Variants in POLR2F observed in about 807,000 individuals in gnomAD.
POLR2F encodes the protein RNA polymerase II, I and III subunit F, also known as DNA-directed RNA polymerases I, II, and III subunit RPABC2.
A neutral mutation model predicts 22.7 loss-of-function variants in POLR2F; 12 were observed. That is an observed-to-expected ratio of 0.53 (90% CI 0.34 to 0.86). The LOEUF is 0.86. Ranked by LOEUF, POLR2F falls within the 40% of genes least tolerant of loss-of-function variation. The pLI, the probability that POLR2F is intolerant of heterozygous loss-of-function variation, is 0.02. For missense variants in POLR2F, 126 were observed against 171.5 expected (o/e 0.73, Z 1.48); for synonymous variants, 57 against 66.0 (o/e 0.86, Z 0.66).
At chr22:38,038,891 C>A (rs1166124006) in intron 5 of POLR2F, among the ~76,000 whole-genome samples, 3 of 151,910 alleles carry the variant, frequency 2.0e-5, no homozygotes, top group African/African-American at 7.3e-5. Context: ...TTGCGAGCGG[C>A]CCTCAGGGCG....
chr22:37,994,512 A>ATTAT lies in POLR2F; in HGVS notation c.120+8219_120+8222dup, dbSNP rs773283034. Among the ~76,000 whole-genome samples the ATTAT allele has an allele frequency of 3.7e-3, 568 of 151,630 alleles. 3 individuals carry two copies. The highest frequency in any genetic ancestry group is 0.012 in the African/African-American group (492 of 41,350). On this transcript the variant is annotated intron_variant, in intron 1 of 2. Coordinates refer to the POLR2F transcript ENST00000333418. ...CAGGCACCAGCCACCACGCCTGGCT[A>ATTAT]TTATTTATTTATTTATTTATTTTTG...
chr22:38,033,041 T>A (rs1034690793), intron 5 of POLR2F: 1 of 167,000 alleles, frequency 6.0e-6, no homozygotes, highest in African/African-American at 2.4e-5. Flanking sequence ...CAACACCTCC[T>A]TGTAAACATC....
At chr22:38,028,495 T>C (rs1173146569), downstream of POLR2F, among the ~76,000 whole-genome samples, 1 of 151,876 alleles carries the variant, frequency 6.6e-6, no homozygotes, top group Non-Finnish European at 1.5e-5. Flanking sequence ...TGTGCGTGTG[T>C]GTGTGTGCGT....
chr22:37,974,215 CA>C (rs774476807), downstream of POLR2F: 1 of 1,582,542 alleles, frequency 6.3e-7, no homozygotes, highest in South Asian at 1.1e-5. The surrounding 1 kb of genome is among the most constrained non-coding windows in gnomAD (Gnocchi z 5.4). Flanking sequence ...AGAAGGGAGA[CA>C]GAGAGAGAGA....
Position 38,016,652 on chromosome 22 carries a change from G to A in POLR2F, c.121-9217G>A, listed in dbSNP as rs1181369399. On this transcript the variant is annotated intron_variant, in intron 1 of 2. Transcript: ENST00000333418. The surrounding 1 kb of genome is among the most constrained non-coding windows in gnomAD (Gnocchi z 4.4). The stretch of plus-strand genomic sequence containing the variant: ...CTCTATTGTGTTCCTGGTTTATCTG[G>A]TTCCTCTTGTTTATGAGCAGGGCTC... 6.6e-6 allele frequency among the ~76,000 whole-genome samples: 1 copy of A among 150,386 alleles called. No homozygotes were observed. The highest frequency in any genetic ancestry group is 1.5e-5 in the Non-Finnish European group (1 of 67,758).
chr22:37,963,452 G>A (rs1336060155), intron 3 of POLR2F, among the ~76,000 whole-genome samples: 1 of 152,098 alleles, frequency 6.6e-6, no homozygotes, highest in Non-Finnish European at 1.5e-5. Flanking sequence ...ACCACACGTG[G>A]CTAATGTCTT....
downstream of POLR2F, among the ~76,000 whole-genome samples, chr22:38,027,689 C>T (rs2085027153): frequency 6.6e-6 from 1 of 152,170 alleles, no homozygotes; most frequent in Non-Finnish European, 1.5e-5. Context: ...TGCACACACA[C>T]ATTCCCCCGC....
Position 37,968,994 on chromosome 22 carries a change from T to C in POLR2F, c.*1279T>C. ...GGGTGCTGAAATTTCAGCTCTGAAATGCCGCCTTTGTGCTGGCATCCAGGC... is the reference window on the plus strand; with the variant it reads ...GGGTGCTGAAATTTCAGCTCTGAAACGCCGCCTTTGTGCTGGCATCCAGGC... On this transcript the variant is annotated 3_prime_UTR_variant, in exon 5 of 5. Coordinates refer to ENST00000442738, the MANE Select transcript of POLR2F (RefSeq NM_021974.5). 4.1e-6 allele frequency: 4 copies of C among 985,510 alleles called. No homozygotes were observed. Among genetic ancestry groups the C allele is most frequent in the Non-Finnish European group, 4.8e-6 (4 of 829,968 alleles). 61.0% of individuals were successfully genotyped at this position (985,510 alleles called of 1,614,324 possible). A position where few individuals can be genotyped will look rare whatever the true frequency, so the allele number is the denominator to read the frequency against.
At chr22:37,967,579 T>A in intron 4 of POLR2F, 46 bp from the exon 5 acceptor site, 1 of 1,607,744 alleles carries the variant, frequency 6.2e-7, no homozygotes, top group Non-Finnish European at 8.5e-7. Context: ...GCGGCAGAGC[T>A]GGGGTCACCA....
chr22:37,983,827 C>T (rs985352686), upstream of POLR2F: 6 of 1,363,030 alleles, frequency 4.4e-6, no homozygotes, highest in African/African-American at 3.1e-5. This position sits in a 1 kb window ranked among gnomAD's most constrained non-coding sequence, Gnocchi z 9.5. Context: ...CCGCCTCCCC[C>T]GGGCCAGCCG....
At chr22:37,989,025 G>A (rs777819975) in intron 1 of POLR2F, among the ~76,000 whole-genome samples, 2 of 152,152 alleles carry the variant, frequency 1.3e-5, no homozygotes, top group African/African-American at 4.8e-5. Flanking sequence ...GTCTGAGTGC[G>A]CTGGGGTGGC....
intron 5 of POLR2F, among the ~76,000 whole-genome samples, chr22:38,039,589 C>T (rs1466171738): frequency 6.6e-6 from 1 of 152,198 alleles, no homozygotes; most frequent in East Asian, 1.9e-4. Context: ...GGCCCAGGAG[C>T]CAGAGCCCTG....
intron 1 of POLR2F, among the ~76,000 whole-genome samples, chr22:38,006,413 G>T (rs1337369143): frequency 1.3e-5 from 2 of 152,158 alleles, no homozygotes; most frequent in African/African-American, 2.4e-5. Flanking sequence ...CAGCCACCCA[G>T]CCCATAGCAA....
chr22:38,039,982 T>A (rs2085155508), intron 5 of POLR2F, among the ~76,000 whole-genome samples: 1 of 151,718 alleles, frequency 6.6e-6, no homozygotes, highest in South Asian at 2.1e-4. Flanking sequence ...GCAATGAAAA[T>A]GAGAAATGGA....
At chr22:38,038,445 G>T (rs1450810910) in intron 5 of POLR2F, among the ~76,000 whole-genome samples, 1 of 151,960 alleles carries the variant, frequency 6.6e-6, no homozygotes, top group Non-Finnish European at 1.5e-5. Context: ...TGACCTGGCG[G>T]CCATGATGGG....
chr22:37,996,730 C>A (rs562326146), intron 1 of POLR2F, among the ~76,000 whole-genome samples: 213 of 152,302 alleles, frequency 1.4e-3, no homozygotes, highest in Non-Finnish European at 2.6e-3. Context: ...GGGGCACAGC[C>A]CCTCTCTGGC....
At chr22:37,985,716 T>C (rs1932549995), upstream of POLR2F, among the ~76,000 whole-genome samples, 1 of 151,082 alleles carries the variant, frequency 6.6e-6, no homozygotes, top group South Asian at 2.1e-4. Flanking sequence ...CAAGGCCTCA[T>C]GCTTGGGAAA....
chr22:37,986,207 G>A lies in POLR2F; in HGVS notation c.17G>A (p.Gly6Glu). 1 of 1,542,196 alleles carries A rather than the reference G, an allele frequency of 6.5e-7. No individual in the cohort carries two copies. The highest frequency in any genetic ancestry group is 8.7e-7 in the Non-Finnish European group (1 of 1,147,532). Residue 6 changes from glycine (G) to glutamate (E), a missense_variant, in exon 1 of 3, where the codon GGG becomes GAG. Physicochemically the swap from Gly to Glu is moderately conservative, Grantham distance 98. Coordinates refer to the POLR2F transcript ENST00000333418. The surrounding 1 kb of genome is among the most constrained non-coding windows in gnomAD (Gnocchi z 4.7). ...GAGGAGCCGCCCTGGATGGACAGAG[G>A]GACGAGGGACGAGCATCTGCCGTCG...
In POLR2F at chr22:38,014,046, T is replaced by C. The variant is rs1012938926; in HGVS notation, c.121-11823T>C. Among the ~76,000 whole-genome samples the C allele has an allele frequency of 1.0e-4, 15 of 145,330 alleles. No homozygotes were observed. The South Asian group carries it at 3.2e-3, about 31-fold the overall frequency. On this transcript the variant is annotated intron_variant, in intron 1 of 2. Coordinates refer to the POLR2F transcript ENST00000333418. ...CTGAGGCTGGAGAATGGCTTGAACCTGGGAGGTGGAGGTTGCTGTGGGCAG... is the reference window on the plus strand; with the variant it reads ...CTGAGGCTGGAGAATGGCTTGAACCCGGGAGGTGGAGGTTGCTGTGGGCAG...
Sources: allele counts gnomAD v4.1 joint callset (sites outside exome capture counted in the v4.1 genomes callset), GRCh38; gene constraint gnomAD v4.1.1; non-coding constraint Gnocchi (gnomAD v3.1); transcripts MANE v1.5; gene names NCBI Gene and HGNC (gene_info 2026-07-23, HGNC 2026-07-21).